TMTC2: variants seen among roughly 807,000 people sequenced by gnomAD.
TMTC2 encodes protein O-mannosyl-transferase TMTC2.
TMTC2 carries 43 observed loss-of-function variants against 82.4 expected under a neutral mutation model. The observed-to-expected ratio is 0.52, with a 90% CI of 0.41 to 0.67. The LOEUF (loss-of-function observed/expected upper bound fraction) is 0.67. Among genes scored for constraint, TMTC2 ranks in the 30% least tolerant of loss-of-function variants. TMTC2 has a pLI of 0.00. For missense variants in TMTC2, 919 were observed against 1,012.4 expected (o/e 0.91, Z 1.25); for synonymous variants, 408 against 381.9 (o/e 1.07, Z -0.80).
chr12:83,044,824 G>A (rs1882030940), intron 9 of TMTC2, among the ~76,000 whole-genome samples: 1 of 152,164 alleles, frequency 6.6e-6, no homozygotes, highest in Admixed American at 6.6e-5. Context: ...CTCTTTAGTT[G>A]CATTGATCCT....
chr12:82,750,504 A>G (rs1257201675), intron 1 of TMTC2, among the ~76,000 whole-genome samples: 1 of 152,162 alleles, frequency 6.6e-6, no homozygotes, highest in Non-Finnish European at 1.5e-5. Flanking sequence ...CATCAGAAAT[A>G]ATCAAGTTGA....
At chr12:82,974,311 T>A (rs958969925) in intron 7 of TMTC2, among the ~76,000 whole-genome samples, 3 of 152,106 alleles carry the variant, frequency 2.0e-5, no homozygotes, top group Admixed American at 1.3e-4. Flanking sequence ...ACATGTGGAG[T>A]AAAACTTTTA....
intron 3 of TMTC2, among the ~76,000 whole-genome samples, chr12:82,918,175 A>T (rs1164647537): frequency 4.0e-5 from 6 of 151,676 alleles, no homozygotes; most frequent in African/African-American, 1.5e-4. Flanking sequence ...CTCCCAAAGT[A>T]CTAGATTATA....
chr12:82,971,810 CAA>C (rs5799603), intron 7 of TMTC2, among the ~76,000 whole-genome samples: 1 of 145,560 alleles, frequency 6.9e-6, no homozygotes. Context: ...CCTCTGTATG[CAA>C]AAAAAAAAAA....
chr12:83,124,563 C>CTTT (rs61668693), intron 11 of TMTC2, among the ~76,000 whole-genome samples: 32,454 of 138,264 alleles, frequency 0.23, 3,753 homozygotes, highest in Middle Eastern at 0.31. Context: ...TTGTTGAAAT[C>CTTT]TTTTTTTTTT....
intron 11 of TMTC2, among the ~76,000 whole-genome samples, chr12:83,071,244 T>C (rs1883103611): frequency 6.8e-6 from 1 of 146,966 alleles, no homozygotes; most frequent in Non-Finnish European, 1.5e-5. Flanking sequence ...AAGCTCCACC[T>C]CCTGGGTTCA....
chr12:83,043,259 A>G (rs1489131490), intron 9 of TMTC2, among the ~76,000 whole-genome samples: 2 of 152,206 alleles, frequency 1.3e-5, no homozygotes, highest in Non-Finnish European at 2.9e-5. Context: ...CTTTAGTAGT[A>G]TCCCCTACCT....
chr12:82,909,804 A>G (rs1169905708), intron 3 of TMTC2, among the ~76,000 whole-genome samples: 1 of 152,246 alleles, frequency 6.6e-6, no homozygotes, highest in African/African-American at 2.4e-5. Flanking sequence ...GACCTATGAA[A>G]TATCTTCAAA....
rs1592728008 is a variant in TMTC2, at chr12:83,070,718, C to T, written c.2331+8887C>T. Reference sequence around the variant, plus strand: ...TGTCTGATTGTTATGGCTAGGACTTCCAGTACTGTGTTGAAGAGTAGTGGT... The same window carrying T: ...TGTCTGATTGTTATGGCTAGGACTTTCAGTACTGTGTTGAAGAGTAGTGGT... On this transcript the variant is annotated intron_variant, in intron 11 of 11. Transcript: ENST00000321196. Among the ~76,000 whole-genome samples, 3 of 152,234 alleles carry T rather than the reference C, an allele frequency of 2.0e-5. No individual in the cohort carries two copies. In the Middle Eastern group the frequency reaches 0.01, roughly 518 times the overall value.
At chr12:82,865,738 C>A (rs1871812445) in intron 2 of TMTC2, among the ~76,000 whole-genome samples, 1 of 152,230 alleles carries the variant, frequency 6.6e-6, no homozygotes, top group African/African-American at 2.4e-5. Flanking sequence ...GCACTTATTC[C>A]AAAATTGACC....
At chr12:82,977,751 T>C (rs1345118624) in intron 7 of TMTC2, among the ~76,000 whole-genome samples, 1 of 151,810 alleles carries the variant, frequency 6.6e-6, no homozygotes, top group African/African-American at 2.4e-5. Flanking sequence ...ATTTTGAGGT[T>C]ATAATAAGAG....
chr12:83,086,298 G>A (rs1166115367), intron 11 of TMTC2, among the ~76,000 whole-genome samples: 2 of 151,894 alleles, frequency 1.3e-5, no homozygotes, highest in African/African-American at 2.4e-5. Context: ...TGGGGCGGCC[G>A]GGCAGAGGCA....
chr12:83,060,685 C>T (rs529478690), intron 10 of TMTC2, among the ~76,000 whole-genome samples: 3 of 151,800 alleles, frequency 2.0e-5, no homozygotes, highest in South Asian at 2.1e-4. Context: ...GCTCAACCTC[C>T]GCAAGCTTCT....
At chr12:82,830,389 T>C (rs1424283417) in intron 1 of TMTC2, among the ~76,000 whole-genome samples, 4 of 151,888 alleles carry the variant, frequency 2.6e-5, no homozygotes, top group Admixed American at 1.3e-4. Flanking sequence ...TAGGGCCCCA[T>C]TGGTGCACAT....
chr12:82,961,674 G>A (rs1009014162), intron 4 of TMTC2, among the ~76,000 whole-genome samples: 11 of 151,950 alleles, frequency 7.2e-5, no homozygotes, highest in African/African-American at 1.4e-4. Context: ...TGCTTTCAGC[G>A]TCTGCCTACT....
intron 1 of TMTC2, among the ~76,000 whole-genome samples, chr12:82,801,765 A>G (rs1879016384): frequency 6.6e-6 from 1 of 152,140 alleles, no homozygotes; most frequent in South Asian, 2.1e-4. Context: ...TTAGCTAGAC[A>G]TAAAGATCCT....
intron 1 of TMTC2, among the ~76,000 whole-genome samples, chr12:82,814,103 G>T (rs766840505): frequency 4.6e-5 from 7 of 152,068 alleles, no homozygotes; most frequent in Non-Finnish European, 1.0e-4. Context: ...TGAGATGAAG[G>T]TACTTGCTCA....
intron 3 of TMTC2, among the ~76,000 whole-genome samples, chr12:82,904,908 A>G (rs570773921): frequency 6.7e-6 from 1 of 150,162 alleles, no homozygotes; most frequent in African/African-American, 2.4e-5. Context: ...TCTTTCTCCA[A>G]TTTCCGACAG....
intron 8 of TMTC2, among the ~76,000 whole-genome samples, chr12:83,021,451 T>C (rs10862545): frequency 1.3e-5 from 2 of 151,866 alleles, no homozygotes; most frequent in East Asian, 3.9e-4. Flanking sequence ...TCAAACTAGA[T>C]GGGCATAGTG....
Sources: allele counts gnomAD v4.1 joint callset (sites outside exome capture counted in the v4.1 genomes callset), GRCh38; gene constraint gnomAD v4.1.1; transcripts MANE v1.5; gene names NCBI Gene and HGNC (gene_info 2026-07-23, HGNC 2026-07-21).